TMC1: variants seen among roughly 807,000 people sequenced by gnomAD.
TMC1 encodes the protein transmembrane channel-like protein 1.
Under a neutral mutation model 105.8 loss-of-function variants are expected in TMC1, and 84 were observed. The ratio of observed to expected loss-of-function variants is 0.79; its 90% confidence interval spans 0.67 to 0.95. TMC1 has a LOEUF of 0.95. Ranked by LOEUF, TMC1 falls within the 40% of genes least tolerant of loss-of-function variation. TMC1 has a pLI of 0.00. For missense variants in TMC1, 817 were observed against 914.1 expected (o/e 0.89, Z 1.37); for synonymous variants, 315 against 311.5 (o/e 1.01, Z -0.12).
At chr9:72,758,807 C>A (rs1275439064) in intron 12 of TMC1, among the ~76,000 whole-genome samples, 3 of 152,116 alleles carry the variant, frequency 2.0e-5, no homozygotes, top group African/African-American at 7.2e-5. Flanking sequence ...TTTTTATTAT[C>A]ATTTTTGTGA....
chr9:72,737,245 G>A (rs1176437147), intron 8 of TMC1, among the ~76,000 whole-genome samples: 5 of 152,134 alleles, frequency 3.3e-5, no homozygotes, highest in African/African-American at 1.2e-4. Flanking sequence ...GCAAATCCCA[G>A]ACTTGTGTTG....
chr9:72,542,536 C>T (rs955989004), intron 1 of TMC1, among the ~76,000 whole-genome samples: 2 of 152,046 alleles, frequency 1.3e-5, no homozygotes, highest in African/African-American at 4.8e-5. Context: ...GGGAGAATCA[C>T]TTGAACCCGG....
At chr9:72,818,493 A>T (rs1055796658) in intron 19 of TMC1, among the ~76,000 whole-genome samples, 1 of 152,214 alleles carries the variant, frequency 6.6e-6, no homozygotes, top group African/African-American at 2.4e-5. Context: ...ACACAGTGAG[A>T]GAGAAAATGA....
In TMC1 at chr9:72,791,908, T is replaced by C; in HGVS notation, c.1247T>C (p.Leu416Pro). The change falls in exon 16 of 24, where the codon CTA becomes CCA. Residue 416 changes from leucine to proline, a missense_variant. Leu to Pro is a moderately conservative substitution (Grantham distance 98, BLOSUM62 -3). Coordinates refer to ENST00000297784, the MANE Select transcript of TMC1 (RefSeq NM_138691.3). Reference protein sequence around the residue: ...KNEMNMVMSLLGMFCPTLFDL... With the variant: ...KNEMNMVMSLPGMFCPTLFDL... Reference sequence around the variant, plus strand: ...TAGATGAACATGGTTATGTCCCTCCTAGGGATGTTCTGTCCAACATTGTTT... The same window carrying C: ...TAGATGAACATGGTTATGTCCCTCCCAGGGATGTTCTGTCCAACATTGTTT... 1 of 1,612,920 alleles carries C rather than the reference T, an allele frequency of 6.2e-7. No homozygotes were observed. Among genetic ancestry groups the C allele is most frequent in the Non-Finnish European group, 8.5e-7 (1 of 1,179,816 alleles).
At chr9:72,716,262 T>C (rs1028800267) in intron 8 of TMC1, among the ~76,000 whole-genome samples, 7 of 152,250 alleles carry the variant, frequency 4.6e-5, no homozygotes, top group African/African-American at 1.7e-4. Flanking sequence ...GAGGAGTCAC[T>C]GTGTCCCTTA....
intron 5 of TMC1, among the ~76,000 whole-genome samples, chr9:72,654,250 C>T (rs948518173): frequency 1.3e-5 from 2 of 152,160 alleles, no homozygotes; most frequent in Non-Finnish European, 2.9e-5. Context: ...TCCAGTTGAT[C>T]CTCATCCTCA....
rs1271247561 is a variant in TMC1 at position 72,763,823 on chromosome 9, TG to T, written c.742-8584del. ...TCAGAGCAATTAAAAGTAACTTAAG[TG>T]GGGGGTAGGTGGGTAGTAACATATC... On this transcript the variant is annotated intron_variant, in intron 12 of 23. Coordinates refer to ENST00000297784, the MANE Select transcript of TMC1 (RefSeq NM_138691.3). Among the ~76,000 whole-genome samples the T allele has an allele frequency of 8.0e-5, 12 of 150,786 alleles. No individual in the cohort carries two copies. In the South Asian group the frequency reaches 2.5e-3, roughly 32 times the overall value.
At chr9:72,543,644 A>G (rs1424704160) in intron 1 of TMC1, among the ~76,000 whole-genome samples, 1 of 152,144 alleles carries the variant, frequency 6.6e-6, no homozygotes, top group Admixed American at 6.5e-5. Context: ...TTAGCTGGGC[A>G]TGGTGGTGGG....
chr9:72,791,356 G>T (rs539954092), intron 15 of TMC1, among the ~76,000 whole-genome samples: 2 of 152,088 alleles, frequency 1.3e-5, no homozygotes, highest in Admixed American at 6.5e-5. Context: ...AAAACTCATT[G>T]TATGTGTTTA....
chr9:72,595,649 A>AT (rs1219484506), intron 2 of TMC1, among the ~76,000 whole-genome samples: 7 of 146,718 alleles, frequency 4.8e-5, no homozygotes, highest in Non-Finnish European at 7.5e-5. Flanking sequence ...ACTAGTTTAC[A>AT]TTGTGGTAAC....
chr9:72,547,256 C>G (rs1390541422), intron 1 of TMC1, among the ~76,000 whole-genome samples: 2 of 140,848 alleles, frequency 1.4e-5, no homozygotes, highest in South Asian at 2.2e-4. Context: ...CACTGCACTC[C>G]AGCCTGGGCA....
chr9:72,574,613 C>G (rs1824343767), intron 1 of TMC1, among the ~76,000 whole-genome samples: 2 of 152,142 alleles, frequency 1.3e-5, no homozygotes, highest in South Asian at 4.1e-4. Context: ...TGTAAAAGGC[C>G]ACCTGCTAAC....
At chr9:72,655,838 G>T in intron 5 of TMC1, 1 of 732,030 alleles carries the variant, frequency 1.4e-6, no homozygotes, top group East Asian at 2.5e-5. Flanking sequence ...TGACTTATAC[G>T]TCTACAATGG....
chr9:72,640,148 ATAT>A (rs1270137635), intron 4 of TMC1, among the ~76,000 whole-genome samples: 19 of 152,146 alleles, frequency 1.2e-4, no homozygotes, highest in Non-Finnish European at 2.1e-4. Context: ...CTAATGTTGT[ATAT>A]TGGTACTACT....
At chr9:72,666,056 G>T (rs377207234) in intron 5 of TMC1, among the ~76,000 whole-genome samples, 3 of 152,188 alleles carry the variant, frequency 2.0e-5, no homozygotes, top group African/African-American at 7.2e-5. Context: ...AAATGTTTTA[G>T]TGAGAAGGCA....
At chr9:72,627,664 C>T (rs1825372101) in intron 3 of TMC1, among the ~76,000 whole-genome samples, 1 of 151,176 alleles carries the variant, frequency 6.6e-6, no homozygotes, top group Admixed American at 6.6e-5. Flanking sequence ...ATGTCACTTC[C>T]AAATGAGGTT....
intron 12 of TMC1, among the ~76,000 whole-genome samples, chr9:72,768,996 C>G (rs1308265932): frequency 6.6e-6 from 1 of 152,112 alleles, no homozygotes; most frequent in Admixed American, 6.5e-5. Context: ...CATAGAGTTT[C>G]TTGTTTCTTT....
chr9:72,639,569 A>G (rs974833519), intron 4 of TMC1, among the ~76,000 whole-genome samples: 7 of 152,198 alleles, frequency 4.6e-5, no homozygotes, highest in African/African-American at 1.7e-4. Context: ...ATACATATAA[A>G]GCCCTGAAGT....
intron 5 of TMC1, among the ~76,000 whole-genome samples, chr9:72,675,414 T>C (rs1344033398): frequency 6.6e-6 from 1 of 152,162 alleles, no homozygotes; most frequent in Non-Finnish European, 1.5e-5. Flanking sequence ...TGTGGCTTAT[T>C]CCAATAACCA....
Sources: gnomAD v4.1 joint callset for allele counts (sites outside exome capture counted in the v4.1 genomes callset) on GRCh38, gnomAD v4.1.1 for gene constraint, MANE v1.5 for transcripts, NCBI Gene and HGNC (gene_info 2026-07-23, HGNC 2026-07-21) for gene names.